Variants in HSF5 observed in about 807,000 individuals in gnomAD.
HSF5 encodes the protein heat shock transcription factor 5, also known as heat shock factor protein 5.
Under a neutral mutation model 50.8 loss-of-function variants are expected in HSF5, and 5 were observed. The observed-to-expected ratio is 0.10, with a 90% confidence interval of 0.05 to 0.21. The LOEUF (loss-of-function observed/expected upper bound fraction) is 0.21, where lower values mean the gene tolerates loss of function less well. Ranked by LOEUF, HSF5 falls within the 10% of genes least tolerant of loss-of-function variation. HSF5 has a pLI of 1.00. For synonymous variants in HSF5, 307 were observed against 307.4 expected, an observed-to-expected ratio of 1.00 and a Z score of 0.02; for missense variants, 564 against 762.6, an observed-to-expected ratio of 0.74 and a Z score of 3.07.
chr17:58,425,993 A>G (rs1303863140), intron 5 of HSF5, among the ~76,000 whole-genome samples: 1 of 152,216 alleles, frequency 6.6e-6, no homozygotes, highest in Non-Finnish European at 1.5e-5. Flanking sequence ...ACACCTAACT[A>G]TGATCATTTT....
At chr17:58,445,539 G>A (rs1974549999) in intron 5 of HSF5, among the ~76,000 whole-genome samples, 2 of 152,184 alleles carry the variant, frequency 1.3e-5, no homozygotes, top group African/African-American at 2.4e-5. Flanking sequence ...TCATATGCAC[G>A]TACAAAGGAA....
intron 5 of HSF5, among the ~76,000 whole-genome samples, chr17:58,457,992 C>T (rs1399422484): frequency 6.6e-6 from 1 of 152,198 alleles, no homozygotes; most frequent in Non-Finnish European, 1.5e-5. Flanking sequence ...AAAATTCTCA[C>T]AGAAGTTCTC....
intron 3 of HSF5, among the ~76,000 whole-genome samples, chr17:58,464,826 T>C (rs193206829): frequency 6.6e-6 from 1 of 152,166 alleles, no homozygotes; most frequent in Admixed American, 6.5e-5. Context: ...AGAAACAGGG[T>C]TTCGCCATGT....
Position 58,479,917 on chromosome 17 carries a change from A to G in HSF5, c.901T>C (p.Tyr301His), listed in dbSNP as rs1399419218. ...CCTGTTGGATAGTAGGCTTGCGAGT[A>G]CTGTGCTGAGGGTGTGTAGTTACTG... Reference protein sequence around the residue: ...KYSNYTPSAQYSQAYYPTAVL... With the variant: ...KYSNYTPSAQHSQAYYPTAVL... The change falls in exon 2 of 6, where the codon TAC becomes CAC. Residue 301 changes from tyrosine (Y) to histidine (H), a missense_variant. By Grantham distance (83) the Tyr-to-His change is moderately conservative (BLOSUM62 2). Coordinates refer to ENST00000323777, the MANE Select transcript of HSF5 (RefSeq NM_001080439.3). 6 of 1,613,588 alleles carry G rather than the reference A, an allele frequency of 3.7e-6. 1 individual carries two copies. In the South Asian group the frequency reaches 6.6e-5, roughly 18 times the overall value.
At chr17:58,473,742 A>T (rs567924285) in intron 2 of HSF5, among the ~76,000 whole-genome samples, 1 of 152,340 alleles carries the variant, frequency 6.6e-6, no homozygotes, top group South Asian at 2.1e-4. Flanking sequence ...AGTTAGTCTG[A>T]TGGCAACTTT....
chr17:58,438,917 G>A (rs1974462179), intron 5 of HSF5, among the ~76,000 whole-genome samples: 1 of 151,944 alleles, frequency 6.6e-6, no homozygotes, highest in African/African-American at 2.4e-5. Flanking sequence ...AGGAGTTGGA[G>A]ATCAGCCTGG....
intron 2 of HSF5, among the ~76,000 whole-genome samples, chr17:58,467,777 T>G (rs1010734139): frequency 6.6e-6 from 1 of 152,242 alleles, no homozygotes; most frequent in Non-Finnish European, 1.5e-5. Context: ...TTTCCCTTTA[T>G]AGTCAGGACA....
intron 5 of HSF5, among the ~76,000 whole-genome samples, chr17:58,429,928 C>G (rs955291880): frequency 6.6e-6 from 1 of 151,206 alleles, no homozygotes; most frequent in Non-Finnish European, 1.5e-5. Flanking sequence ...TTTGAAATGA[C>G]CAGACAAAAA....
chr17:58,421,232 G>GA lies in HSF5; in HGVS notation c.*1127dup. 6.6e-6 allele frequency: 1 copy of GA among 152,528 alleles called. No individual in the cohort carries two copies. The allele number at this position is 152,528 out of a possible 1,614,324, so 9.4% of individuals were successfully genotyped here. On this transcript the variant is annotated 3_prime_UTR_variant, in exon 6 of 6. Coordinates refer to ENST00000323777, the MANE Select transcript of HSF5 (RefSeq NM_001080439.3). ...ATCTAGAATCCTGTAACAGGGATAA[G>GA]AAAAAAATGTTACCATCTATCCCAT...
chr17:58,423,506 G>C (rs1329216127), intron 5 of HSF5, among the ~76,000 whole-genome samples: 2 of 20,864 alleles, frequency 9.6e-5, no homozygotes, highest in Admixed American at 1.0e-3. Flanking sequence ...TTTTTTTTTT[G>C]AGACAGAGTC....
At position 58,475,044 on chromosome 17, in the gene HSF5, T is replaced by A. The variant is rs1165931361; in HGVS notation, c.925+4849A>T. 3.3e-5 allele frequency among the ~76,000 whole-genome samples: 5 copies of A among 152,222 alleles called. No homozygotes were observed. The South Asian group carries it at 1.0e-3, about 31-fold the overall frequency. Reference sequence around the variant, plus strand: ...ATGATTAAAAGTCCAAAATCATCCTTACTTCATGTAATTCCCTCCTTTTCT... The same window carrying A: ...ATGATTAAAAGTCCAAAATCATCCTAACTTCATGTAATTCCCTCCTTTTCT... On this transcript the variant is annotated intron_variant, in intron 2 of 5. Transcript: ENST00000323777.
At chr17:58,430,744 G>A (rs551567810) in intron 5 of HSF5, among the ~76,000 whole-genome samples, 2 of 152,196 alleles carry the variant, frequency 1.3e-5, no homozygotes, top group Admixed American at 6.5e-5. Flanking sequence ...CAGCTTGTGT[G>A]GGACTTCTCA....
At chr17:58,445,933 C>T (rs1210074127) in intron 5 of HSF5, among the ~76,000 whole-genome samples, 6 of 151,896 alleles carry the variant, frequency 4.0e-5, no homozygotes, top group Non-Finnish European at 8.8e-5. Flanking sequence ...GTCAGGAGTT[C>T]GATACCAGCC....
At chr17:58,476,998 C>T in intron 2 of HSF5, 1 of 582,280 alleles carries the variant, frequency 1.7e-6, no homozygotes, top group Non-Finnish European at 3.1e-6. Flanking sequence ...GCTAAGGGAA[C>T]AGGCAGGCAG....
chr17:58,476,735 A>T (rs1975016643), intron 2 of HSF5: 1 of 1,595,916 alleles, frequency 6.3e-7, no homozygotes, highest in African/African-American at 1.3e-5. Context: ...ATCAATTCTG[A>T]TCTCTTCTGA....
At chr17:58,487,640 G>A (rs961547070) in intron 1 of HSF5, 85 bp downstream of exon 1, 1 of 1,337,496 alleles carries the variant, frequency 7.5e-7, no homozygotes, top group Non-Finnish European at 9.5e-7. Context: ...GCGTGAGGAC[G>A]TGCGAAAATG....
chr17:58,453,440 A>T (rs1974666807), intron 5 of HSF5, among the ~76,000 whole-genome samples: 1 of 151,992 alleles, frequency 6.6e-6, no homozygotes, highest in Non-Finnish European at 1.5e-5. Context: ...CTAAAAATAC[A>T]AAAATTAGCT....
chr17:58,454,649 A>G (rs901255656), intron 5 of HSF5, among the ~76,000 whole-genome samples: 1 of 152,230 alleles, frequency 6.6e-6, no homozygotes, highest in African/African-American at 2.4e-5. Flanking sequence ...AGGATACAAA[A>G]TCAACTTACA....
intron 5 of HSF5, among the ~76,000 whole-genome samples, chr17:58,430,309 TTATC>T (rs962821619): frequency 6.6e-6 from 1 of 152,156 alleles, no homozygotes; most frequent in African/African-American, 2.4e-5. Flanking sequence ...TGACCTCAGA[TTATC>T]TACCCACCTC....
Sources: allele counts gnomAD v4.1 joint callset (sites outside exome capture counted in the v4.1 genomes callset), GRCh38; gene constraint gnomAD v4.1.1; transcripts MANE v1.5; gene names NCBI Gene and HGNC (gene_info 2026-07-23, HGNC 2026-07-21).